NFIL3: variants seen among roughly 807,000 people sequenced by gnomAD.
The protein encoded by NFIL3 is nuclear factor interleukin-3-regulated protein.
A neutral mutation model predicts 10.0 loss-of-function variants in NFIL3; 5 were observed. The observed-to-expected ratio is 0.50, with a 90% confidence interval of 0.26 to 1.06. The LOEUF (loss-of-function observed/expected upper bound fraction) is 1.06, where lower values mean the gene tolerates loss of function less well. Among genes scored for constraint, NFIL3 ranks in the 50% least tolerant of loss-of-function variants. NFIL3 has a pLI of 0.13. For synonymous variants in NFIL3, 202 were observed against 206.5 expected (o/e 0.98, Z 0.19); for missense variants, 436 against 547.6 (o/e 0.80, Z 2.03).
chr9:91,421,420 A>AC (rs1191304642), intron 1 of NFIL3, among the ~76,000 whole-genome samples: 2 of 151,180 alleles, frequency 1.3e-5, no homozygotes, highest in Non-Finnish European at 3.0e-5. Flanking sequence ...CGCCGCGAGG[A>AC]CCCCCCGCGC....
At chr9:91,469,178 T>TTCC in the NFIL3 span, among the ~76,000 whole-genome samples, 2 of 151,784 alleles carry the variant, frequency 1.3e-5, no homozygotes, top group African/African-American at 2.4e-5. Context: ...TGGAATGTTC[T>TTCC]ATTTGTTTGT....
intron 1 of NFIL3, among the ~76,000 whole-genome samples, chr9:91,415,870 G>A (rs971990741): frequency 5.9e-5 from 9 of 151,730 alleles, no homozygotes; most frequent in East Asian, 3.9e-4. Context: ...CAGGTGATCC[G>A]CCTGCCACAG....
the NFIL3 span, among the ~76,000 whole-genome samples, chr9:91,478,862 T>A: frequency 0.055 from 8,300 of 152,246 alleles, 395 homozygotes; most frequent in East Asian, 0.17. Flanking sequence ...TTGATGCTAT[T>A]CCTTTCTGTT....
the NFIL3 span, among the ~76,000 whole-genome samples, chr9:91,430,315 G>C: frequency 6.6e-6 from 1 of 152,184 alleles, no homozygotes; most frequent in South Asian, 2.1e-4. Context: ...TGGAGCACCT[G>C]CTGGGTGCCA....
the NFIL3 span, among the ~76,000 whole-genome samples, chr9:91,472,589 CTAG>C: frequency 6.6e-6 from 1 of 152,122 alleles, no homozygotes; most frequent in Admixed American, 6.5e-5. Context: ...GCTGTTTATT[CTAG>C]TTAGCCATTA....
At chr9:91,479,127 G>C in the NFIL3 span, among the ~76,000 whole-genome samples, 217 of 152,278 alleles carry the variant, frequency 1.4e-3, 5 homozygotes, top group East Asian at 0.038. Flanking sequence ...AGGGGTCAGG[G>C]GCCCACTTGA....
the NFIL3 span, among the ~76,000 whole-genome samples, chr9:91,448,218 T>A: frequency 2.0e-5 from 3 of 152,326 alleles, no homozygotes; most frequent in Admixed American, 6.5e-5. Context: ...TTTGGGTTGC[T>A]ATAACAGAAT....
chr9:91,420,868 T>C (rs1833749413), intron 1 of NFIL3, among the ~76,000 whole-genome samples: 1 of 152,084 alleles, frequency 6.6e-6, no homozygotes, highest in Non-Finnish European at 1.5e-5. Context: ...GAGATCAGTG[T>C]TCTCTCTCCT....
rs142237077 is a variant in NFIL3 at position 91,409,364 on chromosome 9, A to G, written c.1371T>C (p.Ser457=). The change falls in exon 2 of 2, where the codon TCT becomes TCC. Residue 457 remains serine, a synonymous_variant. Transcript: ENST00000297689. ...LKRLIATQPI[S]ASDSG is the part of the protein sequence containing the mutation. ...TAGTAATTTACCCAGAGTCTGAAGC[A>G]GAGATTGGTTGTGTGGCTATAAGTC... 3.2e-5 allele frequency: 51 copies of G among 1,574,164 alleles called. No individual in the cohort carries two copies. In the African/African-American group the frequency reaches 6.7e-4, roughly 21 times the overall value.
At chr9:91,431,158 C>T in the NFIL3 span, among the ~76,000 whole-genome samples, 3 of 152,162 alleles carry the variant, frequency 2.0e-5, no homozygotes, top group Non-Finnish European at 4.4e-5. Flanking sequence ...GCAAAACCAA[C>T]CAGTACGTTA....
the NFIL3 span, among the ~76,000 whole-genome samples, chr9:91,447,833 T>C: frequency 1.1e-4 from 17 of 152,216 alleles, no homozygotes; most frequent in African/African-American, 4.1e-4. Context: ...AAGTTTTTAA[T>C]TTTGAAGAAG....
the NFIL3 span, among the ~76,000 whole-genome samples, chr9:91,432,184 A>ACCC: frequency 1.3e-5 from 2 of 152,170 alleles, no homozygotes. Flanking sequence ...CTGAGCCATG[A>ACCC]GTGACAGGAG....
chr9:91,460,070 C>T, the NFIL3 span, among the ~76,000 whole-genome samples: 1 of 145,664 alleles, frequency 6.9e-6, no homozygotes, highest in Non-Finnish European at 1.5e-5. Context: ...GTTGAGCTCC[C>T]TTCTCCCCAG....
At chr9:91,470,186 T>C in the NFIL3 span, among the ~76,000 whole-genome samples, 48 of 152,010 alleles carry the variant, frequency 3.2e-4, no homozygotes, top group African/African-American at 1.1e-3. Context: ...TGGTAGGCTA[T>C]TAATTATTGC....
At chr9:91,482,404 T>C in the NFIL3 span, among the ~76,000 whole-genome samples, 1 of 151,700 alleles carries the variant, frequency 6.6e-6, no homozygotes, top group African/African-American at 2.4e-5. Context: ...TGGGAGGCAG[T>C]AGTTTAATAT....
chr9:91,473,637 G>A, the NFIL3 span, among the ~76,000 whole-genome samples: 1 of 152,222 alleles, frequency 6.6e-6, no homozygotes, highest in East Asian at 1.9e-4. Context: ...GCTAGGAAAG[G>A]GAATTCCCCC....
the NFIL3 span, among the ~76,000 whole-genome samples, chr9:91,450,979 G>A: frequency 2.6e-5 from 4 of 152,140 alleles, no homozygotes; most frequent in Admixed American, 6.5e-5. Flanking sequence ...AGTAACCAAG[G>A]TAACTTTTTC....
chr9:91,475,848 A>G, the NFIL3 span, among the ~76,000 whole-genome samples: 1 of 152,254 alleles, frequency 6.6e-6, no homozygotes, highest in Non-Finnish European at 1.5e-5. Flanking sequence ...TATGTGAATG[A>G]CATTTACTTG....
chr9:91,412,425 T>G (rs1833570773), intron 1 of NFIL3, among the ~76,000 whole-genome samples: 1 of 152,224 alleles, frequency 6.6e-6, no homozygotes. Flanking sequence ...TGAATTTAAC[T>G]GTGTTTCTAG....
Sources: gnomAD v4.1 joint callset for allele counts (sites outside exome capture counted in the v4.1 genomes callset) on GRCh38, gnomAD v4.1.1 for gene constraint, MANE v1.5 for transcripts, NCBI Gene and HGNC (gene_info 2026-07-23, HGNC 2026-07-21) for gene names.